RCAN2: variants seen among roughly 807,000 people sequenced by gnomAD.
The protein encoded by RCAN2 is regulator of calcineurin 2.
In RCAN2, 9 loss-of-function variants were observed where a neutral mutation model predicts 23.6. That is an observed-to-expected ratio of 0.38 (90% confidence interval 0.23 to 0.67). The LOEUF is 0.67. Among genes scored for constraint, RCAN2 ranks in the 30% least tolerant of loss-of-function variants. RCAN2 has a pLI of 0.51. For synonymous variants in RCAN2, 109 were observed against 115.7 expected (o/e 0.94, Z 0.37); for missense variants, 273 against 302.3 (o/e 0.90, Z 0.72).
At chr6:46,237,505 G>A (rs1215417968) in intron 4 of RCAN2, among the ~76,000 whole-genome samples, 2 of 152,122 alleles carry the variant, frequency 1.3e-5, no homozygotes, top group African/African-American at 4.8e-5. Flanking sequence ...TGGTCATAAT[G>A]TTTCCCACCC....
intron 2 of RCAN2, among the ~76,000 whole-genome samples, chr6:46,434,061 T>C (rs1438318469): frequency 6.6e-6 from 1 of 152,232 alleles, no homozygotes; most frequent in Admixed American, 6.5e-5. Context: ...AATTAATTTA[T>C]CATTGGTACT....
intron 2 of RCAN2, among the ~76,000 whole-genome samples, chr6:46,429,433 T>C (rs190219633): frequency 3.9e-5 from 6 of 152,290 alleles, no homozygotes; most frequent in African/African-American, 1.4e-4. Flanking sequence ...GCTGTAAGGG[T>C]CAAATAACTC....
intron 4 of RCAN2, among the ~76,000 whole-genome samples, chr6:46,234,281 C>T (rs888169914): frequency 1.3e-5 from 2 of 152,224 alleles, no homozygotes; most frequent in Non-Finnish European, 2.9e-5. Context: ...TATCGAAAGC[C>T]AGCAAAGCTT....
chr6:46,330,333 T>C (rs1763927274), intron 2 of RCAN2, among the ~76,000 whole-genome samples: 1 of 152,142 alleles, frequency 6.6e-6, no homozygotes, highest in Non-Finnish European at 1.5e-5. Context: ...GCCCTCCAGG[T>C]GATTCTGATG....
At chr6:46,232,809 AAAG>A (rs1211248128) in intron 4 of RCAN2, among the ~76,000 whole-genome samples, 3 of 151,428 alleles carry the variant, frequency 2.0e-5, no homozygotes, top group Admixed American at 2.0e-4. Context: ...AAAAAAAAAA[AAAG>A]AGTTTACCAG....
chr6:46,476,218 A>G (rs1320885650), intron 1 of RCAN2, among the ~76,000 whole-genome samples: 1 of 152,224 alleles, frequency 6.6e-6, no homozygotes, highest in Non-Finnish European at 1.5e-5. Flanking sequence ...CAGCAGAATC[A>G]GAACGAGAAT....
intron 1 of RCAN2, among the ~76,000 whole-genome samples, chr6:46,476,325 A>C (rs1444838949): frequency 6.6e-6 from 1 of 152,236 alleles, no homozygotes; most frequent in African/African-American, 2.4e-5. Context: ...GAAACAAATA[A>C]TCCATAAAGC....
chr6:46,447,397 A>G (rs142731484), intron 2 of RCAN2, among the ~76,000 whole-genome samples: 9 of 152,080 alleles, frequency 5.9e-5, no homozygotes, highest in Non-Finnish European at 1.3e-4. Context: ...CAATAATGGT[A>G]GAGGACTTCC....
At chr6:46,469,039 T>C (rs542444520) in intron 1 of RCAN2, among the ~76,000 whole-genome samples, 2 of 152,332 alleles carry the variant, frequency 1.3e-5, no homozygotes, top group African/African-American at 4.8e-5. Flanking sequence ...ATCACACCTC[T>C]GTTTCTCTCT....
chr6:46,272,788 A>C (rs1767562911), intron 2 of RCAN2, among the ~76,000 whole-genome samples: 1 of 152,192 alleles, frequency 6.6e-6, no homozygotes, highest in Non-Finnish European at 1.5e-5. Context: ...TCCTAGAAGA[A>C]ACTGATTTCG....
At chr6:46,373,628 T>G (rs1765383893) in intron 2 of RCAN2, among the ~76,000 whole-genome samples, 3 of 152,200 alleles carry the variant, frequency 2.0e-5, no homozygotes, top group African/African-American at 4.8e-5. Context: ...TTCCCACATT[T>G]TTTCCTTATC....
intron 2 of RCAN2, among the ~76,000 whole-genome samples, chr6:46,442,175 G>C (rs970507143): frequency 6.6e-6 from 1 of 152,170 alleles, no homozygotes; most frequent in African/African-American, 2.4e-5. Context: ...TAATGATAAA[G>C]CTCATCCTAA....
chr6:46,337,748 T>C (rs1764188945), intron 2 of RCAN2, among the ~76,000 whole-genome samples: 1 of 152,224 alleles, frequency 6.6e-6, no homozygotes, highest in African/African-American at 2.4e-5. Context: ...GCTGTCTCTC[T>C]AGCTCCGTCT....
chr6:46,378,954 A>T (rs1361917934), intron 2 of RCAN2, among the ~76,000 whole-genome samples: 1 of 152,206 alleles, frequency 6.6e-6, no homozygotes, highest in Non-Finnish European at 1.5e-5. Flanking sequence ...TAACATGCAC[A>T]TTGAATCAAA....
chr6:46,418,653 G>T (rs1766777224), intron 2 of RCAN2, among the ~76,000 whole-genome samples: 1 of 144,210 alleles, frequency 6.9e-6, no homozygotes, highest in Non-Finnish European at 1.5e-5. Context: ...GAATTTTATC[G>T]GCTGATTGTT....
chr6:46,483,014 G>A (rs1768902791), intron 1 of RCAN2, among the ~76,000 whole-genome samples: 1 of 152,168 alleles, frequency 6.6e-6, no homozygotes. Context: ...TTCAGTGCTT[G>A]CCATATGGCT....
chr6:46,347,530 TA>T (rs1764523171), intron 2 of RCAN2, among the ~76,000 whole-genome samples: 1 of 152,226 alleles, frequency 6.6e-6, no homozygotes, highest in Non-Finnish European at 1.5e-5. Context: ...AAGGTATACT[TA>T]AAAATATAAT....
intron 2 of RCAN2, among the ~76,000 whole-genome samples, chr6:46,433,180 G>A (rs967838996): frequency 3.9e-5 from 6 of 152,178 alleles, no homozygotes; most frequent in Admixed American, 6.5e-5. Flanking sequence ...GGAGTAAACT[G>A]TAGAAGAGAA....
chr6:46,228,344 C>G (rs1209163621), intron 4 of RCAN2, among the ~76,000 whole-genome samples: 1 of 152,166 alleles, frequency 6.6e-6, no homozygotes, highest in African/African-American at 2.4e-5. Context: ...AACTTTCTCT[C>G]TCGTTGATCT....
Sources: allele counts gnomAD v4.1 joint callset (sites outside exome capture counted in the v4.1 genomes callset), GRCh38; gene constraint gnomAD v4.1.1; transcripts MANE v1.5; gene names NCBI Gene and HGNC (gene_info 2026-07-23, HGNC 2026-07-21).